Variants in SDR16C5 observed in about 807,000 individuals in gnomAD.
SDR16C5 encodes short chain dehydrogenase/reductase family 16C member 5, also known as epidermal retinol dehydrogenase 2.
SDR16C5 carries 20 observed loss-of-function variants against 27.7 expected under a neutral mutation model. That is an observed-to-expected ratio of 0.72 (90% CI 0.51 to 1.05). SDR16C5 has a LOEUF of 1.05. Ranked by LOEUF, SDR16C5 falls within the 50% of genes least tolerant of loss-of-function variation. SDR16C5 has a pLI of 0.00. For synonymous variants in SDR16C5, 139 were observed against 132.3 expected (o/e 1.05, Z -0.35); for missense variants, 374 against 366.3 (o/e 1.02, Z -0.17).
At chr8:56,306,571 G>T in intron 5 of SDR16C5, 105 bp downstream of exon 5, 3 of 1,036,456 alleles carry the variant, frequency 2.9e-6, no homozygotes, top group East Asian at 2.7e-5. Context: ...AAATCATACT[G>T]AATCCCAGAA....
intron 1 of SDR16C5, among the ~76,000 whole-genome samples, chr8:56,319,808 C>A (rs902982406): frequency 6.6e-5 from 10 of 152,166 alleles, no homozygotes; most frequent in African/African-American, 2.2e-4. Flanking sequence ...TGGCAGCTCA[C>A]CCCCGGGGGC....
rs1488763048 is a variant in SDR16C5, at chr8:56,300,762, C to T, written c.*718G>A. 2 of 152,108 alleles carry T rather than the reference C, an allele frequency of 1.3e-5. No individual in the cohort carries two copies. Among genetic ancestry groups the T allele is most frequent in the East Asian group, 3.9e-4 (2 of 5,190 alleles). The allele number at this position is 152,108 out of a possible 1,614,324, so 9.4% of individuals were successfully genotyped here. A position where few individuals can be genotyped will look rare whatever the true frequency, so the allele number is the denominator to read the frequency against. On this transcript the variant is annotated 3_prime_UTR_variant, in exon 7 of 7. Coordinates refer to ENST00000303749, the MANE Select transcript of SDR16C5 (RefSeq NM_138969.4). ...TTTCATCTTCAAAGTAAGAAGCAAC[C>T]ACTCTTTGATCTCTTCTAGGAAACA...
intron 3 of SDR16C5, among the ~76,000 whole-genome samples, chr8:56,311,057 G>A (rs1815032898): frequency 1.3e-5 from 2 of 152,180 alleles, no homozygotes; most frequent in South Asian, 4.1e-4. Context: ...GAGAATGGAG[G>A]AGGAGCTCAG....
rs1199753701 is a variant in SDR16C5 at position 56,300,183 on chromosome 8, T to G, written c.*1297A>C. On this transcript the variant is annotated 3_prime_UTR_variant, in exon 7 of 7. Coordinates refer to ENST00000303749, the MANE Select transcript of SDR16C5 (RefSeq NM_138969.4). ...ATATTATCATAAAACAAGTTTTTTT[T>G]TTTTAAGGTTTTCTGAATGGAAAGG... 6.6e-6 allele frequency: 1 copy of G among 152,094 alleles called. No homozygotes were observed. The highest frequency in any genetic ancestry group is 1.9e-4 in the East Asian group (1 of 5,204). 9.4% of individuals were successfully genotyped at this position (152,094 alleles called of 1,614,324 possible). A position where few individuals can be genotyped will look rare whatever the true frequency, so the allele number is the denominator to read the frequency against.
intron 2 of SDR16C5, among the ~76,000 whole-genome samples, chr8:56,314,967 G>A (rs1341425074): frequency 2.0e-5 from 3 of 152,062 alleles, no homozygotes; most frequent in Non-Finnish European, 4.4e-5. Context: ...TCCTTAGGAC[G>A]GGCACAGTGG....
In SDR16C5 at chr8:56,300,340, T is replaced by C. The variant is rs545254550; in HGVS notation, c.*1140A>G. On this transcript the variant is annotated 3_prime_UTR_variant, in exon 7 of 7. Transcript: ENST00000303749. Reference sequence around the variant, plus strand: ...CCCCCAAGATAGTCAAATTCTCAATTCTTTAGACTTTTACCGGGTCTCCCA... The same window carrying C: ...CCCCCAAGATAGTCAAATTCTCAATCCTTTAGACTTTTACCGGGTCTCCCA... 6.6e-6 allele frequency: 1 copy of C among 152,148 alleles called. No individual in the cohort carries two copies. The highest frequency in any genetic ancestry group is 2.4e-5 in the African/African-American group (1 of 41,494). The allele number at this position is 152,148 out of a possible 1,614,324, so 9.4% of individuals were successfully genotyped here.
At chr8:56,316,945 A>G (rs953754990) in intron 1 of SDR16C5, among the ~76,000 whole-genome samples, 3 of 152,200 alleles carry the variant, frequency 2.0e-5, no homozygotes, top group Non-Finnish European at 2.9e-5. Context: ...ACCTTTTCCG[A>G]CAGATTTGCA....
chr8:56,317,714 A>G (rs1815236923), intron 1 of SDR16C5, among the ~76,000 whole-genome samples: 1 of 152,200 alleles, frequency 6.6e-6, no homozygotes. Flanking sequence ...AGTCGATGCA[A>G]CCCAGGCTGT....
intron 6 of SDR16C5, among the ~76,000 whole-genome samples, chr8:56,302,146 C>T (rs561544045): frequency 1.3e-5 from 2 of 152,226 alleles, no homozygotes; most frequent in Non-Finnish European, 2.9e-5. Context: ...CAACAGAGCA[C>T]TCTGCTCCAC....
chr8:56,305,244 T>C lies in SDR16C5; in HGVS notation c.836+353A>G, dbSNP rs1406055249. Among the ~76,000 whole-genome samples the C allele has an allele frequency of 2.0e-5, 3 of 152,238 alleles. No homozygotes were observed. In the East Asian group the frequency reaches 5.8e-4, roughly 29 times the overall value. ...GACCCTGTACTTGAGGAGGCATGGA[T>C]ACAATATCTATTCCAACAGGATTAT... On this transcript the variant is annotated intron_variant, in intron 6 of 6. Transcript: ENST00000303749.
At chr8:56,302,413 G>A (rs1257617374) in intron 6 of SDR16C5, among the ~76,000 whole-genome samples, 2 of 152,146 alleles carry the variant, frequency 1.3e-5, no homozygotes, top group African/African-American at 2.4e-5. Context: ...AGTGGCTCAC[G>A]CCTGTAATCC....
At chr8:56,316,598 T>C (rs1815205266) in intron 1 of SDR16C5, among the ~76,000 whole-genome samples, 1 of 152,212 alleles carries the variant, frequency 6.6e-6, no homozygotes, top group Non-Finnish European at 1.5e-5. Flanking sequence ...GCCTGCTATG[T>C]GCAGTACACA....
chr8:56,318,814 C>T (rs11993636), intron 1 of SDR16C5, among the ~76,000 whole-genome samples: 24,632 of 152,110 alleles, frequency 0.16, 2,122 homozygotes, highest in Non-Finnish European at 0.19. Context: ...AAGAGCTTGT[C>T]AGCCTGAGTT....
At position 56,305,747 on chromosome 8, in the gene SDR16C5, A is replaced by T. The variant is rs767459985; in HGVS notation, c.711-25T>A. ...GCTAGGATATAAAATGACAACAATT[A>T]AAAAAAACCCTGAAGGCCAAATTCA... On this transcript the variant is annotated intron_variant, in intron 5 of 6. Coordinates refer to ENST00000303749, the MANE Select transcript of SDR16C5 (RefSeq NM_138969.4). The T allele has an allele frequency of 3.2e-6, 5 of 1,560,430 alleles. No homozygotes were observed. The African/African-American group carries it at 4.2e-5, about 13-fold the overall frequency.
Position 56,316,056 on chromosome 8 carries a change from C to A in SDR16C5, c.292G>T (p.Asp98Tyr), listed in dbSNP as rs778620664. The A allele has an allele frequency of 2.5e-6, 4 of 1,614,118 alleles. No individual in the cohort carries two copies. In the South Asian group the frequency reaches 4.4e-5, roughly 18 times the overall value. ...TACACTCCTTCCTTTTGGCTGCAAT[C>A]GCAGGTATAGGCGTGCACTCTTGTG... Reference protein sequence around the residue: ...GATRVHAYTCDCSQKEGVYRV... With the variant: ...GATRVHAYTCYCSQKEGVYRV... The change falls in exon 2 of 7, where the codon GAT (aspartate) becomes TAT (tyrosine). Residue 98 changes from aspartate (D) to tyrosine (Y), a missense_variant. By Grantham distance (160) the Asp-to-Tyr change is radical. Transcript: ENST00000303749.
In SDR16C5 at chr8:56,312,208, T is replaced by C; in HGVS notation, c.414A>G (p.Pro138=). 6.2e-7 allele frequency: 1 copy of C among 1,612,896 alleles called. No homozygotes were observed. The highest frequency in any genetic ancestry group is 8.5e-7 in the Non-Finnish European group (1 of 1,178,790). ...IVTGKKFLDC[P]DELMEKSFDV... is the part of the protein sequence containing the mutation. ...CAAATGACTTTTCCATAAGCTCATC[T>C]GGACAGTCAAGGAACTTTTTGCCTG... Residue 138 remains proline, a synonymous_variant, in exon 3 of 7, where the codon CCA becomes CCG. Coordinates refer to ENST00000303749, the MANE Select transcript of SDR16C5 (RefSeq NM_138969.4).
At chr8:56,309,572 C>A (rs1248751534) in intron 3 of SDR16C5, 2 of 985,014 alleles carry the variant, frequency 2.0e-6, no homozygotes, top group Non-Finnish European at 2.4e-6. Flanking sequence ...CACCTTCACC[C>A]TTGATTGGGG....
chr8:56,318,225 G>T (rs779345922), intron 1 of SDR16C5, among the ~76,000 whole-genome samples: 3 of 152,184 alleles, frequency 2.0e-5, no homozygotes, highest in Non-Finnish European at 4.4e-5. Context: ...AAGAATGTTT[G>T]CTCTAAGGAA....
chr8:56,312,927 C>A (rs1815086603), intron 2 of SDR16C5, among the ~76,000 whole-genome samples: 1 of 151,948 alleles, frequency 6.6e-6, no homozygotes, highest in African/African-American at 2.4e-5. Flanking sequence ...CAGGTGCCCA[C>A]CACCACACCC....
Sources: gnomAD v4.1 joint callset for allele counts (sites outside exome capture counted in the v4.1 genomes callset) on GRCh38, gnomAD v4.1.1 for gene constraint, MANE v1.5 for transcripts, NCBI Gene and HGNC (gene_info 2026-07-23, HGNC 2026-07-21) for gene names.